Variants in ATP2B2 observed in about 807,000 individuals in gnomAD.
The protein encoded by ATP2B2 is plasma membrane calcium-transporting ATPase 2.
A neutral mutation model predicts 120.0 loss-of-function variants in ATP2B2; 15 were observed. The observed-to-expected ratio is 0.12, with a 90% CI of 0.08 to 0.19. ATP2B2 has a LOEUF of 0.19. Among genes scored for constraint, ATP2B2 ranks in the 10% least tolerant of loss-of-function variants. The pLI is 1.00. For missense variants in ATP2B2, 1,045 were observed against 1,719.8 expected, an observed-to-expected ratio of 0.61 and a Z score of 6.94; for synonymous variants, 694 against 700.3, an observed-to-expected ratio of 0.99 and a Z score of 0.14.
intron 14 of ATP2B2, among the ~76,000 whole-genome samples, chr3:10,353,482 C>T (rs917917054): frequency 3.3e-5 from 5 of 152,164 alleles, no homozygotes; most frequent in South Asian, 2.1e-4. Flanking sequence ...GAGGTATGAA[C>T]GGGCCTGAGG....
chr3:10,347,458 T>C lies in ATP2B2; in HGVS notation c.2405-1321A>G, dbSNP rs1305023627. 6.6e-6 allele frequency among the ~76,000 whole-genome samples: 1 copy of C among 152,246 alleles called. No individual in the cohort carries two copies. The highest frequency in any genetic ancestry group is 1.5e-5 in the Non-Finnish European group (1 of 68,044). The stretch of plus-strand genomic sequence containing the variant: ...TAGCAGACGGCAGCAGCCTGTGGAA[T>C]GAGGCGCTGAGTTCCATAACCTGGG... On this transcript the variant is annotated intron_variant, in intron 16 of 22. Transcript: ENST00000360273. The surrounding 1 kb of genome is among the most constrained non-coding windows in gnomAD (Gnocchi z 5.2).
At chr3:10,597,961 C>T (rs17033192) in intron 2 of ATP2B2, among the ~76,000 whole-genome samples, 9,360 of 152,134 alleles carry the variant, frequency 0.062, 395 homozygotes, top group Admixed American at 0.13. Flanking sequence ...ATTTCGGGAG[C>T]CGATTTGAAC....
intron 8 of ATP2B2, among the ~76,000 whole-genome samples, chr3:10,382,809 G>T (rs566832427): frequency 2.2e-4 from 33 of 152,134 alleles, no homozygotes; most frequent in African/African-American, 5.5e-4. Flanking sequence ...TCAGTTGGGG[G>T]CTTGGGGGAG....
At chr3:10,461,369 G>A (rs2064481892) in intron 1 of ATP2B2, among the ~76,000 whole-genome samples, 1 of 152,206 alleles carries the variant, frequency 6.6e-6, no homozygotes, top group African/African-American at 2.4e-5. Flanking sequence ...TACTGACTTG[G>A]CCTCAGATCT....
chr3:10,622,999 T>TAA (rs1162786313), intron 1 of ATP2B2, among the ~76,000 whole-genome samples: 1 of 149,828 alleles, frequency 6.7e-6, no homozygotes, highest in Non-Finnish European at 1.5e-5. Context: ...GTGGTGAAGG[T>TAA]AAAAGGAAAG....
intron 1 of ATP2B2, among the ~76,000 whole-genome samples, chr3:10,673,976 T>C (rs1439977867): frequency 6.6e-6 from 1 of 151,086 alleles, no homozygotes; most frequent in Non-Finnish European, 1.5e-5. Context: ...CTTTCCATAA[T>C]AAGAAAAGTG....
intron 1 of ATP2B2, among the ~76,000 whole-genome samples, chr3:10,631,640 C>T (rs2069868335): frequency 6.6e-6 from 1 of 152,194 alleles, no homozygotes; most frequent in Admixed American, 6.5e-5. Context: ...GGCCCTCACT[C>T]CCAATCCCAG....
intron 1 of ATP2B2, among the ~76,000 whole-genome samples, chr3:10,503,606 C>T (rs925316355): frequency 6.6e-6 from 1 of 152,230 alleles, no homozygotes; most frequent in African/African-American, 2.4e-5. Flanking sequence ...GGTGTGTGCA[C>T]GCAGCATCCG....
chr3:10,579,527 A>T (rs1233914820), intron 2 of ATP2B2, among the ~76,000 whole-genome samples: 1 of 152,178 alleles, frequency 6.6e-6, no homozygotes, highest in Non-Finnish European at 1.5e-5. Context: ...TACAATAATT[A>T]GCTGGGCATG....
At chr3:10,525,704 G>T (rs73811923) in intron 3 of ATP2B2, among the ~76,000 whole-genome samples, 1 of 151,868 alleles carries the variant, frequency 6.6e-6, no homozygotes, top group African/African-American at 2.4e-5. Flanking sequence ...CTCAGAAGGG[G>T]TATTTTGGGC....
chr3:10,350,491 G>A lies in ATP2B2; in HGVS notation c.2223C>T (p.Ile741=). ...GATGGATGATGCCACACTTGATGGC[G>A]ATGGCCCGAGCCGTGTTGATATTGT... ...TGDNINTARA[I]AIKCGIIHPG... The change falls in exon 15 of 23, where the codon ATC becomes ATT. Residue 741 remains isoleucine, a synonymous_variant. Transcript: ENST00000360273. The A allele has an allele frequency of 1.9e-6, 3 of 1,614,218 alleles. No individual in the cohort carries two copies. The highest frequency in any genetic ancestry group is 2.5e-6 in the Non-Finnish European group (3 of 1,180,050).
chr3:10,362,755 G>A (rs915651252), intron 12 of ATP2B2, among the ~76,000 whole-genome samples: 1 of 152,170 alleles, frequency 6.6e-6, no homozygotes, highest in Non-Finnish European at 1.5e-5. Flanking sequence ...AAGAAGCAGA[G>A]GAATATTTGA....
chr3:10,358,333 C>G (rs542960734), intron 14 of ATP2B2, among the ~76,000 whole-genome samples: 129 of 152,300 alleles, frequency 8.5e-4, no homozygotes, highest in Non-Finnish European at 1.7e-3. Context: ...TACAGGAGAT[C>G]CTGGCTCCTG....
chr3:10,624,352 G>C (rs1461941677), intron 1 of ATP2B2, among the ~76,000 whole-genome samples: 1 of 152,144 alleles, frequency 6.6e-6, no homozygotes, highest in Non-Finnish European at 1.5e-5. Flanking sequence ...CGAGATATGA[G>C]GCCCCTCTGC....
chr3:10,577,499 C>T (rs1390002374), intron 2 of ATP2B2, among the ~76,000 whole-genome samples: 2 of 152,210 alleles, frequency 1.3e-5, no homozygotes, highest in Admixed American at 6.5e-5. Context: ...CCCAGGGCTG[C>T]AGAAACCATC....
At chr3:10,448,017 G>A (rs937712182) in intron 2 of ATP2B2, among the ~76,000 whole-genome samples, 5 of 152,256 alleles carry the variant, frequency 3.3e-5, no homozygotes, top group Non-Finnish European at 7.3e-5. Context: ...GCTGGGAGCT[G>A]CTGGGTGTAG....
At chr3:10,367,679 G>T (rs942401035) in intron 12 of ATP2B2, among the ~76,000 whole-genome samples, 1 of 152,080 alleles carries the variant, frequency 6.6e-6, no homozygotes, top group Non-Finnish European at 1.5e-5. Flanking sequence ...CCTGGGCTTG[G>T]GATTGTACAG....
chr3:10,352,398 T>G (rs141677931), intron 14 of ATP2B2, among the ~76,000 whole-genome samples: 43 of 152,346 alleles, frequency 2.8e-4, no homozygotes, highest in Non-Finnish European at 5.7e-4. Flanking sequence ...AACCCGCAGT[T>G]CTGAGCGTGG....
chr3:10,449,031 A>G (rs1404156229), intron 2 of ATP2B2, among the ~76,000 whole-genome samples: 3 of 152,194 alleles, frequency 2.0e-5, no homozygotes, highest in African/African-American at 7.2e-5. Context: ...TGCCTCCCAT[A>G]GTAACAGAAT....
Sources: allele counts gnomAD v4.1 joint callset (sites outside exome capture counted in the v4.1 genomes callset), GRCh38; gene constraint gnomAD v4.1.1; non-coding constraint Gnocchi (gnomAD v3.1); transcripts MANE v1.5; gene names NCBI Gene and HGNC (gene_info 2026-07-23, HGNC 2026-07-21).